Variants in GALNTL6 observed in about 807,000 individuals in gnomAD.
GALNTL6 encodes the protein polypeptide N-acetylgalactosaminyltransferase-like 6.
GALNTL6 carries 46 observed loss-of-function variants against 73.7 expected under a neutral mutation model. The observed-to-expected ratio is 0.62, with a 90% CI of 0.49 to 0.80. GALNTL6 has a LOEUF of 0.80. GALNTL6 is among the 30% of genes least tolerant of loss of function. The probability of loss-of-function intolerance (pLI) is 0.00; values close to 1 mark genes in which losing one functional copy is unlikely to be tolerated. For synonymous variants in GALNTL6, 259 were observed against 263.7 expected (o/e 0.98, Z 0.17); for missense variants, 604 against 755.0 (o/e 0.80, Z 2.34).
chr4:172,094,265 A>G lies in GALNTL6; in HGVS notation c.139-135391A>G, dbSNP rs1223152055. Among the ~76,000 whole-genome samples the G allele has an allele frequency of 2.6e-5, 4 of 152,144 alleles. No homozygotes were observed. The East Asian group carries it at 7.7e-4, about 29-fold the overall frequency. ...TAACTTACTTGGAAATGACTCAGAC[A>G]TTTCGTGATTGTCTATCACTTAATT... On this transcript the variant is annotated intron_variant, in intron 2 of 12. Coordinates refer to ENST00000506823, the MANE Select transcript of GALNTL6 (RefSeq NM_001034845.3).
At chr4:172,892,953 G>A (rs181697393) in intron 8 of GALNTL6, among the ~76,000 whole-genome samples, 139 of 152,338 alleles carry the variant, frequency 9.1e-4, no homozygotes, top group African/African-American at 3.2e-3. Context: ...GTTGTGGTGT[G>A]TGTCTGCAGG....
intron 5 of GALNTL6, among the ~76,000 whole-genome samples, chr4:172,374,414 G>T (rs1231984510): frequency 6.6e-6 from 1 of 152,182 alleles, no homozygotes; most frequent in African/African-American, 2.4e-5. Flanking sequence ...ATCTGCAGCT[G>T]ATTGGGTAAT....
chr4:172,544,334 G>A (rs1237466016), intron 5 of GALNTL6, among the ~76,000 whole-genome samples: 2 of 152,060 alleles, frequency 1.3e-5, no homozygotes, highest in African/African-American at 4.8e-5. Context: ...TGGCTTCGTG[G>A]TTCCACATCT....
intron 10 of GALNTL6, among the ~76,000 whole-genome samples, chr4:172,995,507 T>C (rs147187953): frequency 6.6e-6 from 1 of 152,332 alleles, no homozygotes; most frequent in East Asian, 1.9e-4. Context: ...GCTATTCCCG[T>C]AGATTCTTTC....
intron 2 of GALNTL6, among the ~76,000 whole-genome samples, chr4:171,991,163 T>C (rs374535149): frequency 2.6e-5 from 4 of 152,116 alleles, no homozygotes; most frequent in South Asian, 4.1e-4. Context: ...AACATTTCTC[T>C]TGTAACAACA....
intron 2 of GALNTL6, among the ~76,000 whole-genome samples, chr4:172,222,986 T>A (rs1349262173): frequency 2.0e-5 from 3 of 152,028 alleles, no homozygotes; most frequent in Non-Finnish European, 4.4e-5. Context: ...TTAATTAGTT[T>A]AAAATTTTTA....
chr4:172,033,983 A>G (rs1741848880), intron 2 of GALNTL6, among the ~76,000 whole-genome samples: 1 of 152,124 alleles, frequency 6.6e-6, no homozygotes, highest in South Asian at 2.1e-4. Context: ...TTTAACATAC[A>G]TGATTATCAG....
chr4:172,177,267 TAATAA>T (rs1735029942), intron 2 of GALNTL6, among the ~76,000 whole-genome samples: 1 of 152,204 alleles, frequency 6.6e-6, no homozygotes, highest in African/African-American at 2.4e-5. Flanking sequence ...AATGAACATT[TAATAA>T]AAATTCATTT....
chr4:171,855,694 C>T (rs1330610224), intron 2 of GALNTL6, among the ~76,000 whole-genome samples: 1 of 151,076 alleles, frequency 6.6e-6, no homozygotes, highest in African/African-American at 2.4e-5. Context: ...GCCAAACTAT[C>T]TTTCAAAATG....
chr4:171,902,087 G>T (rs1191101293), intron 2 of GALNTL6, among the ~76,000 whole-genome samples: 1 of 152,126 alleles, frequency 6.6e-6, no homozygotes. Context: ...TGAACTTCAA[G>T]AAGCAGTGTT....
At chr4:171,884,416 G>A (rs984837361) in intron 2 of GALNTL6, among the ~76,000 whole-genome samples, 1 of 151,984 alleles carries the variant, frequency 6.6e-6, no homozygotes, top group Non-Finnish European at 1.5e-5. Context: ...GATAATATTA[G>A]ATACTGTTAT....
intron 2 of GALNTL6, among the ~76,000 whole-genome samples, chr4:172,012,518 T>G (rs945212378): frequency 2.0e-5 from 3 of 152,114 alleles, no homozygotes; most frequent in Non-Finnish European, 4.4e-5. Context: ...TATTCTATAG[T>G]AAATAAATAC....
chr4:171,992,585 T>A (rs1740372187), intron 2 of GALNTL6, among the ~76,000 whole-genome samples: 2 of 152,084 alleles, frequency 1.3e-5, no homozygotes, highest in African/African-American at 2.4e-5. Flanking sequence ...AGAATTCTGA[T>A]TCGGTCTGTA....
chr4:172,882,533 C>T (rs1018648326), intron 7 of GALNTL6, among the ~76,000 whole-genome samples: 4 of 152,156 alleles, frequency 2.6e-5, no homozygotes, highest in African/African-American at 9.7e-5. Flanking sequence ...GCAAATGTGA[C>T]TCTGCAGGGC....
intron 8 of GALNTL6, among the ~76,000 whole-genome samples, chr4:172,893,603 G>T (rs1746166209): frequency 6.6e-6 from 1 of 152,118 alleles, no homozygotes; most frequent in Non-Finnish European, 1.5e-5. Context: ...GGGAAGATCT[G>T]GTGGACAAGG....
At chr4:172,431,707 G>A (rs548440575) in intron 5 of GALNTL6, among the ~76,000 whole-genome samples, 1 of 152,134 alleles carries the variant, frequency 6.6e-6, no homozygotes, top group East Asian at 1.9e-4. Flanking sequence ...TTTAAAATTT[G>A]TAGTATCAAT....
intron 5 of GALNTL6, among the ~76,000 whole-genome samples, chr4:172,381,573 C>T (rs1300334127): frequency 6.6e-6 from 1 of 152,096 alleles, no homozygotes; most frequent in East Asian, 1.9e-4. Flanking sequence ...TATTCTGAGG[C>T]TTGTTCATTT....
At chr4:172,134,044 C>CT (rs1164323710) in intron 2 of GALNTL6, among the ~76,000 whole-genome samples, 1 of 152,088 alleles carries the variant, frequency 6.6e-6, no homozygotes, top group Admixed American at 6.6e-5. Flanking sequence ...CATTAGGAAA[C>CT]TTTCTATGGT....
At chr4:172,134,396 G>A (rs1169631496) in intron 2 of GALNTL6, among the ~76,000 whole-genome samples, 2 of 151,622 alleles carry the variant, frequency 1.3e-5, no homozygotes, top group East Asian at 3.9e-4. Flanking sequence ...AAAAAAAAAG[G>A]TAGTAACAGT....
Sources: gnomAD v4.1 joint callset for allele counts (sites outside exome capture counted in the v4.1 genomes callset) on GRCh38, gnomAD v4.1.1 for gene constraint, MANE v1.5 for transcripts, NCBI Gene and HGNC (gene_info 2026-07-23, HGNC 2026-07-21) for gene names.